Variants in EPS15 observed in about 807,000 individuals in gnomAD.
EPS15 encodes the protein epidermal growth factor receptor substrate 15.
In EPS15, 72 loss-of-function variants were observed where a neutral mutation model predicts 113.8. The observed-to-expected ratio is 0.63, with a 90% confidence interval of 0.52 to 0.77. The LOEUF (loss-of-function observed/expected upper bound fraction) is 0.77. EPS15 is among the 30% of genes least tolerant of loss of function. The pLI, the probability that EPS15 is intolerant of heterozygous loss-of-function variation, is 0.00. For missense variants in EPS15, 1,048 were observed against 1,045.8 expected (o/e 1.00, Z -0.03); for synonymous variants, 344 against 363.4 (o/e 0.95, Z 0.61).
chr1:51,493,807 G>A (rs1644284139), intron 1 of EPS15, among the ~76,000 whole-genome samples: 1 of 151,820 alleles, frequency 6.6e-6, no homozygotes, highest in Non-Finnish European at 1.5e-5. Flanking sequence ...TAGAGACGGG[G>A]TTTTACTATG....
intron 4 of EPS15, among the ~76,000 whole-genome samples, chr1:51,469,574 A>G (rs1372462670): frequency 6.6e-6 from 1 of 152,140 alleles, no homozygotes; most frequent in Non-Finnish European, 1.5e-5. Context: ...ACCTGTCAAT[A>G]CCCTAGTATA....
chr1:51,362,641 C>T (rs1646413694), intron 23 of EPS15, among the ~76,000 whole-genome samples: 1 of 151,890 alleles, frequency 6.6e-6, no homozygotes, highest in Non-Finnish European at 1.5e-5. Flanking sequence ...ACTCATTTAC[C>T]TGATTTTTCA....
Position 51,409,530 on chromosome 1 carries a change from AT to A in EPS15, c.1275+4del. 1 of 1,605,864 alleles carries A rather than the reference AT, an allele frequency of 6.2e-7. No individual in the cohort carries two copies. ...TGCAGGCAGCAGGAAACAGCCAGACATTACCAGTTGGGCCTCCTCAGCACAT... is the reference window on the plus strand; with the variant it reads ...TGCAGGCAGCAGGAAACAGCCAGACATACCAGTTGGGCCTCCTCAGCACAT... On this transcript the variant is annotated splice_donor_region_variant and intron_variant, in intron 14 of 24. Transcript: ENST00000371733.
intron 21 of EPS15, chr1:51,372,337 G>GA (rs1287953606): frequency 3.8e-6 from 2 of 533,178 alleles, no homozygotes; most frequent in South Asian, 1.4e-5. Flanking sequence ...CATTTCAACC[G>GA]AATCAGCAAG....
intron 13 of EPS15, among the ~76,000 whole-genome samples, chr1:51,420,437 A>T (rs1417245135): frequency 2.0e-5 from 3 of 152,198 alleles, no homozygotes; most frequent in Non-Finnish European, 4.4e-5. Context: ...GTAACTGGCT[A>T]AATTTAGAAG....
chr1:51,507,894 T>C lies in EPS15; in HGVS notation c.33+11305A>G, dbSNP rs149371838. Among the ~76,000 whole-genome samples the C allele has an allele frequency of 5.1e-3, 772 of 152,110 alleles. 8 individuals carry two copies. The highest frequency in any genetic ancestry group is 0.017 in the African/African-American group (717 of 41,504). On this transcript the variant is annotated intron_variant, in intron 1 of 24. Coordinates refer to ENST00000371733, the MANE Select transcript of EPS15 (RefSeq NM_001981.3). ...AGAATACTGGAAATGAAAAAACATT[T>C]AGGCCCAACGCGGTGGCTCACGCCT... is the stretch of plus-strand genomic sequence containing the variant.
At chr1:51,433,440 C>G (rs1170896967) in intron 12 of EPS15, among the ~76,000 whole-genome samples, 1 of 152,172 alleles carries the variant, frequency 6.6e-6, no homozygotes, top group African/African-American at 2.4e-5. Flanking sequence ...TCATGTCAGG[C>G]AATCTGGAAA....
At chr1:51,462,555 C>T (rs1163814645) in intron 7 of EPS15, among the ~76,000 whole-genome samples, 2 of 151,846 alleles carry the variant, frequency 1.3e-5, no homozygotes, top group African/African-American at 4.8e-5. Flanking sequence ...GCTCAGTAGT[C>T]CACATGCACC....
chr1:51,390,578 C>T (rs1341541766), intron 21 of EPS15, among the ~76,000 whole-genome samples: 1 of 150,744 alleles, frequency 6.6e-6, no homozygotes, highest in African/African-American at 2.4e-5. Flanking sequence ...TGACAAAGGG[C>T]TAATATCCAG....
intron 8 of EPS15, among the ~76,000 whole-genome samples, chr1:51,450,440 C>T (rs1445858472): frequency 1.3e-5 from 2 of 151,720 alleles, no homozygotes; most frequent in Non-Finnish European, 2.9e-5. Flanking sequence ...TGTCACATGG[C>T]AAGAGCAGGA....
intron 12 of EPS15, among the ~76,000 whole-genome samples, chr1:51,426,359 G>T (rs1651198250): frequency 6.7e-6 from 1 of 148,390 alleles, no homozygotes; most frequent in Admixed American, 6.8e-5. Flanking sequence ...TCAAGAATGA[G>T]CCTGTGACCA....
intron 8 of EPS15, among the ~76,000 whole-genome samples, chr1:51,455,240 G>A (rs185819199): frequency 6.6e-6 from 1 of 152,274 alleles, no homozygotes; most frequent in East Asian, 1.9e-4. Context: ...CACTTCCCTT[G>A]GTTCACTGGC....
intron 1 of EPS15, among the ~76,000 whole-genome samples, chr1:51,481,888 G>A (rs182738898): frequency 5.7e-4 from 87 of 152,316 alleles, no homozygotes; most frequent in Non-Finnish European, 1.0e-3. Context: ...TTGAAGGATC[G>A]ACTGGGTGCA....
chr1:51,467,737 C>T (rs533926621), intron 5 of EPS15, among the ~76,000 whole-genome samples: 7 of 152,070 alleles, frequency 4.6e-5, no homozygotes, highest in Admixed American at 2.6e-4. Context: ...CATGGGAGCA[C>T]GAACCCTATC....
intron 23 of EPS15, among the ~76,000 whole-genome samples, chr1:51,362,325 G>A (rs575627405): frequency 6.6e-6 from 1 of 152,222 alleles, no homozygotes; most frequent in South Asian, 2.1e-4. Context: ...AGTTAGTCAG[G>A]GAACATCCAG....
chr1:51,510,467 G>A (rs1243574989), intron 1 of EPS15, among the ~76,000 whole-genome samples: 2 of 152,166 alleles, frequency 1.3e-5, no homozygotes, highest in Non-Finnish European at 2.9e-5. Context: ...AATGTATGTA[G>A]ATCATCTAAA....
chr1:51,498,887 G>A (rs1447193361), intron 1 of EPS15, among the ~76,000 whole-genome samples: 10 of 152,184 alleles, frequency 6.6e-5, no homozygotes, highest in Non-Finnish European at 1.5e-5. Context: ...ATTAAGAGGT[G>A]GGGCCATTAA....
chr1:51,490,383 G>A, intron 1 of EPS15: 2 of 371,696 alleles, frequency 5.4e-6, no homozygotes, highest in South Asian at 1.9e-5. Context: ...GACCATCATG[G>A]TGAAACCCCA....
intron 2 of EPS15, among the ~76,000 whole-genome samples, chr1:51,476,237 G>A (rs1201623229): frequency 6.6e-6 from 1 of 152,156 alleles, no homozygotes; most frequent in Non-Finnish European, 1.5e-5. Flanking sequence ...CCAATTCTGT[G>A]AAGAAAGTCA....
Sources: gnomAD v4.1 joint callset for allele counts (sites outside exome capture counted in the v4.1 genomes callset) on GRCh38, gnomAD v4.1.1 for gene constraint, MANE v1.5 for transcripts, NCBI Gene and HGNC (gene_info 2026-07-23, HGNC 2026-07-21) for gene names.